The following FBXL3 variants were observed in gnomAD, a reference collection of about 807,000 sequenced individuals.
FBXL3 encodes F-box and leucine rich repeat protein 3.
In FBXL3, 14 loss-of-function variants were observed where a neutral mutation model predicts 37.9. The ratio of observed to expected loss-of-function variants is 0.37; its 90% CI spans 0.24 to 0.58. The LOEUF (loss-of-function observed/expected upper bound fraction) is 0.58, where lower values mean the gene tolerates loss of function less well. Ranked by LOEUF, FBXL3 falls within the 20% of genes least tolerant of loss-of-function variation. The pLI is 0.74. For synonymous variants in FBXL3, 194 were observed against 180.1 expected, an observed-to-expected ratio of 1.08 and a Z score of -0.62; for missense variants, 327 against 511.1, an observed-to-expected ratio of 0.64 and a Z score of 3.47.
At chr13:77,022,375 A>G (rs2154037824) in intron 1 of FBXL3, among the ~76,000 whole-genome samples, 1 of 152,328 alleles carries the variant, frequency 6.6e-6, no homozygotes, top group South Asian at 2.1e-4. Flanking sequence ...ACTGGGCCCC[A>G]TAGCAGGAAG....
chr13:77,009,462 G>A (rs1264560595), intron 4 of FBXL3: 2 of 152,214 alleles, frequency 1.3e-5, no homozygotes, highest in Non-Finnish European at 2.9e-5. Flanking sequence ...CAAGTAGCTG[G>A]GGTTACAGGC....
chr13:77,008,164 G>A (rs920972740), intron 4 of FBXL3, among the ~76,000 whole-genome samples: 6 of 152,076 alleles, frequency 3.9e-5, no homozygotes, highest in African/African-American at 9.7e-5. Context: ...CCACTGTGAC[G>A]GAGGCCAAAG....
chr13:77,025,932 C>CTAT (rs1266385447), intron 1 of FBXL3, among the ~76,000 whole-genome samples: 2 of 152,016 alleles, frequency 1.3e-5, no homozygotes, highest in Non-Finnish European at 2.9e-5. Context: ...GAATAAAACA[C>CTAT]TATAAAGAGG....
At chr13:77,022,038 A>G (rs2034753904) in intron 1 of FBXL3, among the ~76,000 whole-genome samples, 177 bp from the exon 2 acceptor site, 1 of 152,254 alleles carries the variant, frequency 6.6e-6, no homozygotes, top group South Asian at 2.1e-4. Flanking sequence ...ATGAAGGCCA[A>G]CAATGGTTTT....
At chr13:77,020,300 C>A (rs1264945590) in intron 2 of FBXL3, among the ~76,000 whole-genome samples, 1 of 152,222 alleles carries the variant, frequency 6.6e-6, no homozygotes, top group Non-Finnish European at 1.5e-5. Flanking sequence ...AATTTAAATA[C>A]TCATCTTACA....
At chr13:77,014,901 C>T (rs1410606581) in intron 4 of FBXL3, 1 of 152,208 alleles carries the variant, frequency 6.6e-6, no homozygotes, top group East Asian at 1.9e-4. Flanking sequence ...TTATAATGCT[C>T]TTCTTGCATT....
At chr13:77,025,963 TAGAG>T (rs77529431) in intron 1 of FBXL3, among the ~76,000 whole-genome samples, 8,192 of 152,206 alleles carry the variant, frequency 0.054, 315 homozygotes, top group Non-Finnish European at 0.084. Flanking sequence ...ACTAAATGCT[TAGAG>T]AGCGCACAGT....
intron 4 of FBXL3, chr13:77,015,164 C>A: frequency 3.6e-6 from 1 of 278,304 alleles, no homozygotes; most frequent in Non-Finnish European, 6.6e-6. Context: ...TCTTTTTTTT[C>A]CTGTTCATTT....
At chr13:77,015,189 T>G in intron 4 of FBXL3, 1 of 339,134 alleles carries the variant, frequency 2.9e-6, no homozygotes, top group Non-Finnish European at 5.2e-6. Context: ...GCATGTGCTA[T>G]TCATAAATTT....
At position 77,005,883 on chromosome 13, in the gene FBXL3, T is replaced by TAA. The variant is rs373084825; in HGVS notation, c.*1260_*1261dup. Reference sequence around the variant, plus strand: ...CAGCATCAAAGTTTATATCATCTTTTAAAACTCAACATTTTATAGACTCTA... The same window carrying TAA: ...CAGCATCAAAGTTTATATCATCTTTTAAAAAACTCAACATTTTATAGACTCTA... On this transcript the variant is annotated 3_prime_UTR_variant, in exon 5 of 5. Transcript: ENST00000355619. The TAA allele has an allele frequency of 6.6e-6, 1 of 152,448 alleles. No individual in the cohort carries two copies. Among genetic ancestry groups the TAA allele is most frequent in the South Asian group, 2.1e-4 (1 of 4,832 alleles). 9.4% of individuals were successfully genotyped at this position (152,448 alleles called of 1,614,324 possible). A position where few individuals can be genotyped will look rare whatever the true frequency, so the allele number is the denominator to read the frequency against.
At chr13:77,025,895 A>G (rs2034829916) in intron 1 of FBXL3, among the ~76,000 whole-genome samples, 1 of 152,136 alleles carries the variant, frequency 6.6e-6, no homozygotes, top group Non-Finnish European at 1.5e-5. Context: ...ATATCAAACT[A>G]ATATGCATTC....
At chr13:77,011,845 C>T (rs1487219202) in intron 4 of FBXL3, among the ~76,000 whole-genome samples, 1 of 151,926 alleles carries the variant, frequency 6.6e-6, no homozygotes, top group Non-Finnish European at 1.5e-5. Context: ...TGTTAGAAGA[C>T]ACTGCTAGTG....
chr13:77,018,894 T>C (rs190106669), intron 2 of FBXL3, 172 bp from the exon 3 acceptor site: 95 of 544,676 alleles, frequency 1.7e-4, no homozygotes, highest in Admixed American at 1.5e-3. Flanking sequence ...AAGAATATTC[T>C]TTCAATCATC....
intron 1 of FBXL3, among the ~76,000 whole-genome samples, chr13:77,022,141 T>C (rs2034756107): frequency 2.0e-5 from 3 of 152,244 alleles, no homozygotes; most frequent in Admixed American, 2.0e-4. Flanking sequence ...TATTATGATT[T>C]TGAAACTATG....
At chr13:77,012,471 G>T (rs1434765003) in intron 4 of FBXL3, among the ~76,000 whole-genome samples, 7 of 151,856 alleles carry the variant, frequency 4.6e-5, no homozygotes, top group Non-Finnish European at 1.5e-5. Context: ...TCCAACTTTA[G>T]AACTATAATG....
intron 3 of FBXL3, 157 bp from the exon 4 acceptor site, chr13:77,015,737 T>C: frequency 2.3e-6 from 1 of 426,562 alleles, no homozygotes; most frequent in Non-Finnish European, 4.0e-6. Context: ...GTTGGGAATA[T>C]GGTAAAAATA....
chr13:77,021,961 C>G, intron 1 of FBXL3, 100 bp from the exon 2 acceptor site: 3 of 945,042 alleles, frequency 3.2e-6, no homozygotes, highest in South Asian at 1.7e-5. Flanking sequence ...TTTATATACA[C>G]AAACATGCAG....
intron 4 of FBXL3, chr13:77,013,535 T>G (rs1026710187): frequency 6.6e-6 from 1 of 152,200 alleles, no homozygotes; most frequent in Non-Finnish European, 1.5e-5. Context: ...CCATCCAGAC[T>G]GGTAATCTGG....
chr13:77,026,487 T>C lies in FBXL3; in HGVS notation c.-2+340A>G, dbSNP rs537394918. The C allele has an allele frequency of 3.9e-5, 21 of 540,036 alleles. No individual in the cohort carries two copies. The South Asian group carries it at 1.7e-3, about 43-fold the overall frequency. 33.5% of individuals were successfully genotyped at this position (540,036 alleles called of 1,614,324 possible). ...CACAGAGTGCGAGCTCCATGGTGCC[T>C]GTCACCAGCCCCCGCCAAGGGTCAT... On this transcript the variant is annotated intron_variant, in intron 1 of 4. Coordinates refer to ENST00000355619, the MANE Select transcript of FBXL3 (RefSeq NM_012158.4).
Sources: gnomAD v4.1 joint callset for allele counts (sites outside exome capture counted in the v4.1 genomes callset) on GRCh38, gnomAD v4.1.1 for gene constraint, MANE v1.5 for transcripts, NCBI Gene and HGNC (gene_info 2026-07-23, HGNC 2026-07-21) for gene names.